Variants in CTNNA2 observed in about 807,000 individuals in gnomAD.
The protein encoded by CTNNA2 is catenin alpha 2, also known as catenin alpha-2.
In CTNNA2, 42 loss-of-function variants were observed where a neutral mutation model predicts 101.0. The ratio of observed to expected loss-of-function variants is 0.42; its 90% CI spans 0.32 to 0.54. The LOEUF (loss-of-function observed/expected upper bound fraction) is 0.54, where lower values mean the gene tolerates loss of function less well. CTNNA2 is among the 20% of genes least tolerant of loss of function. The pLI is 0.14. For synonymous variants in CTNNA2, 450 were observed against 456.4 expected (o/e 0.99, Z 0.18); for missense variants, 871 against 1,223.1 (o/e 0.71, Z 4.29).
At chr2:79,186,018 T>C (rs1673774884) in intron 1 of CTNNA2, among the ~76,000 whole-genome samples, 1 of 152,184 alleles carries the variant, frequency 6.6e-6, no homozygotes, top group Non-Finnish European at 1.5e-5. Context: ...TGCAGCCACC[T>C]TTTGAGCAAA....
chr2:79,728,307 T>C (rs1269282723), intron 2 of CTNNA2, among the ~76,000 whole-genome samples: 1 of 152,230 alleles, frequency 6.6e-6, no homozygotes, highest in Non-Finnish European at 1.5e-5. Context: ...GTGGTTTTGA[T>C]TTGCATTTCT....
chr2:80,496,113 C>T (rs1346903165), intron 9 of CTNNA2, among the ~76,000 whole-genome samples: 1 of 152,010 alleles, frequency 6.6e-6, no homozygotes, highest in African/African-American at 2.4e-5. Flanking sequence ...AAAGGACTCT[C>T]CTATAGGTTT....
At chr2:80,433,002 G>T (rs1319692831) in intron 9 of CTNNA2, among the ~76,000 whole-genome samples, 1 of 151,970 alleles carries the variant, frequency 6.6e-6, no homozygotes, top group South Asian at 2.1e-4. Flanking sequence ...ACGGCAGTGG[G>T]GCAGTAGAGT....
intron 4 of CTNNA2, among the ~76,000 whole-genome samples, chr2:79,398,091 G>A (rs1042667221): frequency 1.3e-5 from 2 of 152,094 alleles, no homozygotes; most frequent in African/African-American, 4.8e-5. Flanking sequence ...CCAATTAATG[G>A]TAGAAAGATA....
chr2:79,870,426 G>A (rs1282632695), intron 5 of CTNNA2, among the ~76,000 whole-genome samples: 1 of 151,790 alleles, frequency 6.6e-6, no homozygotes, highest in Admixed American at 6.6e-5. Flanking sequence ...ATGCAGGGGT[G>A]GGGGAACGGA....
intron 7 of CTNNA2, among the ~76,000 whole-genome samples, chr2:80,170,202 TCTCTCTA>T (rs1704958212): frequency 6.6e-6 from 1 of 150,510 alleles, no homozygotes; most frequent in African/African-American, 2.5e-5. Context: ...TCTCTCTCTC[TCTCTCTA>T]TCTCTCTCTC....
At chr2:79,408,322 A>C (rs894566865) in intron 4 of CTNNA2, among the ~76,000 whole-genome samples, 3 of 150,858 alleles carry the variant, frequency 2.0e-5, no homozygotes, top group African/African-American at 7.3e-5. Flanking sequence ...TTATTATAAT[A>C]CTTTAAGTTT....
chr2:79,413,066 A>C (rs552018897), intron 4 of CTNNA2, among the ~76,000 whole-genome samples: 2 of 152,156 alleles, frequency 1.3e-5, no homozygotes, highest in African/African-American at 4.8e-5. Context: ...GTCAGGGTCA[A>C]AGTTTTGTTC....
chr2:79,945,930 G>T (rs570533399), intron 7 of CTNNA2, among the ~76,000 whole-genome samples: 1 of 152,264 alleles, frequency 6.6e-6, no homozygotes, highest in East Asian at 1.9e-4. Flanking sequence ...TATGGGAGCA[G>T]AAAACATGGG....
At chr2:80,591,415 C>T (rs1205398999) in intron 15 of CTNNA2, among the ~76,000 whole-genome samples, 1 of 140,762 alleles carries the variant, frequency 7.1e-6, no homozygotes, top group African/African-American at 2.6e-5. Flanking sequence ...AAATGCAACA[C>T]AGGAAGTTGA....
chr2:80,472,306 C>T (rs1388866142), intron 9 of CTNNA2, among the ~76,000 whole-genome samples: 1 of 152,102 alleles, frequency 6.6e-6, no homozygotes, highest in Non-Finnish European at 1.5e-5. Context: ...CTGCATGTAT[C>T]TAGCCATGGC....
intron 1 of CTNNA2, among the ~76,000 whole-genome samples, chr2:79,522,979 A>C (rs903829248): frequency 1.8e-4 from 28 of 152,366 alleles, no homozygotes; most frequent in African/African-American, 6.3e-4. Flanking sequence ...CCAACTATTC[A>C]GTGAACATTT....
At chr2:80,372,366 A>C (rs1036805966) in intron 7 of CTNNA2, among the ~76,000 whole-genome samples, 2 of 149,408 alleles carry the variant, frequency 1.3e-5, no homozygotes, top group African/African-American at 5.0e-5. Context: ...TTTTTAGAGA[A>C]GTTTTTTTTT....
intron 7 of CTNNA2, among the ~76,000 whole-genome samples, chr2:79,969,360 A>G (rs1389259417): frequency 4.6e-5 from 7 of 152,228 alleles, no homozygotes; most frequent in Non-Finnish European, 7.3e-5. Context: ...TTGAAATTCA[A>G]GGACAGCAAA....
intron 5 of CTNNA2, among the ~76,000 whole-genome samples, chr2:79,872,379 A>G (rs1383700698): frequency 2.6e-5 from 4 of 151,948 alleles, no homozygotes; most frequent in East Asian, 1.9e-4. Context: ...CTATTTTACC[A>G]TTTTATTATT....
intron 7 of CTNNA2, among the ~76,000 whole-genome samples, chr2:80,276,181 CA>C (rs1268337508): frequency 5.3e-5 from 8 of 152,160 alleles, no homozygotes; most frequent in Non-Finnish European, 2.9e-5. Flanking sequence ...TCAGTCATTC[CA>C]TATGAACTGG....
At chr2:79,556,593 T>A (rs1039290967) in intron 1 of CTNNA2, among the ~76,000 whole-genome samples, 2 of 152,062 alleles carry the variant, frequency 1.3e-5, no homozygotes, top group Admixed American at 1.3e-4. Context: ...GTTTTAGTGC[T>A]TAAGCATGCC....
intron 2 of CTNNA2, among the ~76,000 whole-genome samples, chr2:79,224,916 GT>G (rs1320776148): frequency 1.3e-5 from 2 of 151,152 alleles, no homozygotes; most frequent in Non-Finnish European, 3.0e-5. Flanking sequence ...ATCACATAAG[GT>G]TTTCAAGACA....
At chr2:80,017,243 A>T (rs981714179) in intron 7 of CTNNA2, among the ~76,000 whole-genome samples, 3 of 152,104 alleles carry the variant, frequency 2.0e-5, no homozygotes, top group African/African-American at 7.2e-5. Context: ...CTCAGTATCT[A>T]AAATAATACC....
Sources: gnomAD v4.1 joint callset for allele counts (sites outside exome capture counted in the v4.1 genomes callset) on GRCh38, gnomAD v4.1.1 for gene constraint, MANE v1.5 for transcripts, NCBI Gene and HGNC (gene_info 2026-07-23, HGNC 2026-07-21) for gene names.